ADGRL4: variants seen among roughly 807,000 people sequenced by gnomAD.
ADGRL4 encodes the protein EGF, latrophilin and seven transmembrane domain containing 1.
ADGRL4 carries 90 observed loss-of-function variants against 74.8 expected under a neutral mutation model. The ratio of observed to expected loss-of-function variants is 1.20; its 90% CI spans 1.02 to 1.43. The LOEUF (loss-of-function observed/expected upper bound fraction) is 1.43. Among genes scored for constraint, ADGRL4 ranks in the 40% most tolerant of loss-of-function variants. The pLI, the probability that ADGRL4 is intolerant of heterozygous loss-of-function variation, is 0.00. For missense variants in ADGRL4, 881 were observed against 814.3 expected (o/e 1.08, Z -1.00); for synonymous variants, 311 against 279.2 (o/e 1.11, Z -1.14).
At chr1:78,967,398 C>T (rs905769963) in intron 2 of ADGRL4, among the ~76,000 whole-genome samples, 5 of 152,134 alleles carry the variant, frequency 3.3e-5, no homozygotes, top group Admixed American at 2.0e-4. Flanking sequence ...ATTAAAACAA[C>T]TTACCAGGTT....
intron 2 of ADGRL4, among the ~76,000 whole-genome samples, chr1:78,962,111 C>T (rs999193624): frequency 6.6e-6 from 1 of 152,108 alleles, no homozygotes; most frequent in African/African-American, 2.4e-5. Context: ...GAACTCCTGA[C>T]CTCAGGTGAT....
At chr1:78,909,963 G>A (rs911243363) in intron 12 of ADGRL4, among the ~76,000 whole-genome samples, 19 of 151,822 alleles carry the variant, frequency 1.3e-4, no homozygotes, top group South Asian at 4.2e-4. Flanking sequence ...AAAGAGGGTA[G>A]AACTGTATAT....
intron 2 of ADGRL4, among the ~76,000 whole-genome samples, chr1:78,997,976 C>T (rs554445513): frequency 6.6e-6 from 1 of 152,244 alleles, no homozygotes; most frequent in South Asian, 2.1e-4. Context: ...ACCAAGTTTT[C>T]TTTGAGAGTA....
intron 12 of ADGRL4, among the ~76,000 whole-genome samples, chr1:78,904,648 C>A (rs1379228776): frequency 1.3e-5 from 2 of 151,938 alleles, no homozygotes; most frequent in African/African-American, 2.4e-5. Flanking sequence ...AAGAAAGCAA[C>A]AAATGCACCT....
chr1:78,934,676 G>A (rs1276377026), intron 7 of ADGRL4, among the ~76,000 whole-genome samples: 1 of 152,044 alleles, frequency 6.6e-6, no homozygotes, highest in Non-Finnish European at 1.5e-5. Flanking sequence ...CTAATACCCA[G>A]CATCTACTAG....
chr1:78,906,346 A>G (rs1260584906), intron 12 of ADGRL4, among the ~76,000 whole-genome samples: 2 of 152,006 alleles, frequency 1.3e-5, no homozygotes, highest in African/African-American at 4.8e-5. Context: ...GGAATATTTT[A>G]ATAGTGGTTT....
chr1:78,996,471 A>C (rs1205923131), intron 2 of ADGRL4, among the ~76,000 whole-genome samples: 2 of 152,242 alleles, frequency 1.3e-5, no homozygotes. Context: ...TTCCTTAAAC[A>C]TAAACTGAGA....
At chr1:78,996,993 A>G (rs1183131971) in intron 2 of ADGRL4, among the ~76,000 whole-genome samples, 2 of 152,190 alleles carry the variant, frequency 1.3e-5, no homozygotes, top group African/African-American at 4.8e-5. Flanking sequence ...AATGAAGCAG[A>G]GGTTCTGCAA....
At chr1:78,894,225 A>G (rs746607219) in intron 12 of ADGRL4, among the ~76,000 whole-genome samples, 2 of 151,932 alleles carry the variant, frequency 1.3e-5, no homozygotes, top group Non-Finnish European at 2.9e-5. Flanking sequence ...GTAGCCTCTC[A>G]AAATGAAATT....
intron 12 of ADGRL4, among the ~76,000 whole-genome samples, chr1:78,909,025 A>C (rs1424983937): frequency 6.6e-6 from 1 of 151,914 alleles, no homozygotes; most frequent in East Asian, 1.9e-4. Context: ...TCAAAATAAT[A>C]TGAAAAAAAG....
intron 3 of ADGRL4, among the ~76,000 whole-genome samples, chr1:78,940,372 CATAA>C (rs1477498154): frequency 6.6e-6 from 1 of 152,064 alleles, no homozygotes; most frequent in Non-Finnish European, 1.5e-5. Context: ...ACACAATCAT[CATAA>C]ATAAAGTAAT....
chr1:78,999,303 G>T (rs532402778), intron 2 of ADGRL4, among the ~76,000 whole-genome samples: 3 of 152,296 alleles, frequency 2.0e-5, no homozygotes, highest in Admixed American at 6.5e-5. Context: ...TTTGGGGGAA[G>T]TATTGGAAGT....
At chr1:78,925,101 G>A (rs1028804326) in intron 8 of ADGRL4, among the ~76,000 whole-genome samples, 1 of 152,032 alleles carries the variant, frequency 6.6e-6, no homozygotes, top group Non-Finnish European at 1.5e-5. Context: ...TGAGATGGTG[G>A]ATGGAGCATA....
intron 2 of ADGRL4, among the ~76,000 whole-genome samples, chr1:78,968,032 T>C (rs1008441877): frequency 2.6e-5 from 4 of 152,134 alleles, no homozygotes; most frequent in African/African-American, 9.7e-5. Context: ...TTGACATGTT[T>C]AGGTACATGA....
chr1:78,901,152 C>T (rs952848177), intron 12 of ADGRL4, among the ~76,000 whole-genome samples: 2 of 152,046 alleles, frequency 1.3e-5, no homozygotes, highest in African/African-American at 4.8e-5. Flanking sequence ...TATTTGGGGG[C>T]ATATTTACAC....
At chr1:78,982,255 C>T (rs1327046409) in intron 2 of ADGRL4, among the ~76,000 whole-genome samples, 1 of 151,740 alleles carries the variant, frequency 6.6e-6, no homozygotes, top group Non-Finnish European at 1.5e-5. Context: ...TAACATTTTC[C>T]TATGAAAGGT....
intron 12 of ADGRL4, among the ~76,000 whole-genome samples, chr1:78,905,622 C>G (rs528457498): frequency 3.7e-4 from 57 of 152,098 alleles, no homozygotes; most frequent in Admixed American, 4.6e-4. Context: ...ACAAGCCATG[C>G]TCATTGATGA....
chr1:78,890,101 A>T lies in ADGRL4; in HGVS notation c.*1053T>A. 1 of 159,394 alleles carries T rather than the reference A, an allele frequency of 6.3e-6. No individual in the cohort carries two copies. The highest frequency in any genetic ancestry group is 1.9e-4 in the East Asian group (1 of 5,276). The allele number at this position is 159,394 out of a possible 1,614,324, so 9.9% of individuals were successfully genotyped here. The stretch of plus-strand genomic sequence containing the variant: ...TGTTTACACATTGTTAACAATAACA[A>T]TTTTAAGTGTGTACTTTTCTGAACA... On this transcript the variant is annotated 3_prime_UTR_variant, in exon 15 of 15. Transcript: ENST00000370742.
chr1:79,003,592 G>A (rs1650886372), intron 2 of ADGRL4, among the ~76,000 whole-genome samples: 1 of 151,906 alleles, frequency 6.6e-6, no homozygotes, highest in Admixed American at 6.6e-5. Context: ...ATTAGATAAT[G>A]GAAGATGCGT....
Sources: gnomAD v4.1 joint callset for allele counts (sites outside exome capture counted in the v4.1 genomes callset) on GRCh38, gnomAD v4.1.1 for gene constraint, MANE v1.5 for transcripts, NCBI Gene and HGNC (gene_info 2026-07-23, HGNC 2026-07-21) for gene names.